The following ABLIM2 variants were observed in gnomAD, a reference collection of about 807,000 sequenced individuals.
ABLIM2 encodes actin-binding LIM protein 2.
ABLIM2 carries 53 observed loss-of-function variants against 97.7 expected under a neutral mutation model. That is an observed-to-expected ratio of 0.54 (90% confidence interval 0.44 to 0.68). The LOEUF (loss-of-function observed/expected upper bound fraction) is 0.68, where lower values mean the gene tolerates loss of function less well. Among genes scored for constraint, ABLIM2 ranks in the 30% least tolerant of loss-of-function variants. The probability of loss-of-function intolerance (pLI) is 0.00; values close to 1 mark genes in which losing one functional copy is unlikely to be tolerated. For synonymous variants in ABLIM2, 361 were observed against 345.8 expected, an observed-to-expected ratio of 1.04 and a Z score of -0.49; for missense variants, 835 against 867.2, an observed-to-expected ratio of 0.96 and a Z score of 0.47.
rs117711829 is a variant in ABLIM2 at position 8,091,108 on chromosome 4, C to A, written c.339-2824G>T. The stretch of plus-strand genomic sequence containing the variant: ...TTCACAACGGCACTGGAGGGACACT[C>A]CTCTGGCTTCACATCCTCACCAGCA... On this transcript the variant is annotated intron_variant, in intron 3 of 20. Transcript: ENST00000447017. 6.0e-4 allele frequency among the ~76,000 whole-genome samples: 90 copies of A among 150,214 alleles called. 1 individual carries two copies. In the East Asian group the frequency reaches 0.016, roughly 28 times the overall value.
At position 8,085,721 on chromosome 4, in the gene ABLIM2, C is replaced by A. The variant is rs186115218; in HGVS notation, c.454+2448G>T. On this transcript the variant is annotated intron_variant, in intron 4 of 20. Coordinates refer to ENST00000447017, the MANE Select transcript of ABLIM2 (RefSeq NM_001130083.2). The surrounding 1 kb of genome is among the most constrained non-coding windows in gnomAD (Gnocchi z 6.1). The stretch of plus-strand genomic sequence containing the variant: ...CACGCTGCAGCCCCGTCCACTCACG[C>A]GGGTCTGGGGGGTGCACCCAGCACA... Among the ~76,000 whole-genome samples, 4 of 151,900 alleles carry A rather than the reference C, an allele frequency of 2.6e-5. No individual in the cohort carries two copies. Among genetic ancestry groups the A allele is most frequent in the African/African-American group, 9.7e-5 (4 of 41,318 alleles).
At position 7,986,510 on chromosome 4, in the gene ABLIM2, TA is replaced by T. The variant is rs1441265389; in HGVS notation, c.1681-1618del. On this transcript the variant is annotated intron_variant, in intron 17 of 20. Coordinates refer to ENST00000447017, the MANE Select transcript of ABLIM2 (RefSeq NM_001130083.2). The surrounding 1 kb of genome is among the most constrained non-coding windows in gnomAD (Gnocchi z 4.3). Reference sequence around the variant, plus strand: ...TTGTTTATCGTGAAATTTTTTACATTAATTTGGATTTCTAAAACTATTGCAT... The same window carrying T: ...TTGTTTATCGTGAAATTTTTTACATTATTTGGATTTCTAAAACTATTGCAT... 6.6e-6 allele frequency among the ~76,000 whole-genome samples: 1 copy of T among 152,182 alleles called. No homozygotes were observed. Among genetic ancestry groups the T allele is most frequent in the Non-Finnish European group, 1.5e-5 (1 of 68,030 alleles).
rs887437133 is a variant in ABLIM2, at chr4:7,992,376, C to G, written c.1680+490G>C. Among the ~76,000 whole-genome samples the G allele has an allele frequency of 2.6e-5, 4 of 152,158 alleles. No individual in the cohort carries two copies. The highest frequency in any genetic ancestry group is 9.7e-5 in the African/African-American group (4 of 41,436). ...TCAAGTTAATCCAATCTCCGTGCAG[C>G]CTCAAGTAACAGCCTTGGACGCTAA... On this transcript the variant is annotated intron_variant, in intron 17 of 20. Coordinates refer to ENST00000447017, the MANE Select transcript of ABLIM2 (RefSeq NM_001130083.2). This position sits in a 1 kb window ranked among gnomAD's most constrained non-coding sequence, Gnocchi z 5.7.
At chr4:8,098,801 G>A (rs570004273) in intron 2 of ABLIM2, among the ~76,000 whole-genome samples, 7 of 152,314 alleles carry the variant, frequency 4.6e-5, no homozygotes, top group Admixed American at 1.3e-4. Flanking sequence ...GAGCCAGTGC[G>A]ATGTGAGACC....
At chr4:8,129,833 C>A (rs1454931516) in intron 1 of ABLIM2, among the ~76,000 whole-genome samples, 4 of 152,176 alleles carry the variant, frequency 2.6e-5, no homozygotes, top group African/African-American at 9.7e-5. Context: ...CCACCCCCTC[C>A]CCGCCATTGT....
intron 16 of ABLIM2, among the ~76,000 whole-genome samples, chr4:8,000,059 G>A (rs375958812): frequency 2.6e-5 from 4 of 152,146 alleles, no homozygotes; most frequent in African/African-American, 7.2e-5. Flanking sequence ...GTTCCCATCC[G>A]CTCCTGGGTG....
chr4:8,020,844 T>TC (rs1773150062), intron 12 of ABLIM2: 1 of 140,430 alleles, frequency 7.1e-6, no homozygotes, highest in African/African-American at 2.7e-5. Context: ...CATTACCACA[T>TC]TCTTTTTTTT....
chr4:8,130,605 G>A lies in ABLIM2; in HGVS notation c.11-23968C>T, dbSNP rs1019023065. On this transcript the variant is annotated intron_variant, in intron 1 of 20. Transcript: ENST00000447017. This position sits in a 1 kb window ranked among gnomAD's most constrained non-coding sequence, Gnocchi z 4.2. The stretch of plus-strand genomic sequence containing the variant: ...GGGAGGCAGCCTGGCCCGAGTCCAG[G>A]GTGTGCTTGACGGCACCCAGGGGAG... 6.6e-6 allele frequency among the ~76,000 whole-genome samples: 1 copy of A among 152,050 alleles called. No individual in the cohort carries two copies. Among genetic ancestry groups the A allele is most frequent in the East Asian group, 1.9e-4 (1 of 5,176 alleles).
intron 9 of ABLIM2, among the ~76,000 whole-genome samples, chr4:8,040,191 C>G (rs1470484014): frequency 1.3e-4 from 20 of 152,192 alleles, no homozygotes; most frequent in Admixed American, 1.2e-3. Flanking sequence ...GGGTGGGCAG[C>G]TGCAACCTGC....
intron 18 of ABLIM2, 127 bp downstream of exon 18, chr4:7,984,712 T>C (rs1577930094): frequency 9.9e-7 from 1 of 1,012,564 alleles, no homozygotes; most frequent in African/African-American, 1.6e-5. Flanking sequence ...TCCCCCGAGG[T>C]GTCCCCGCCC....
chr4:8,006,117 G>A (rs556817283), intron 16 of ABLIM2, among the ~76,000 whole-genome samples: 49 of 152,340 alleles, frequency 3.2e-4, no homozygotes, highest in African/African-American at 7.5e-4. Flanking sequence ...CACCAGGCTC[G>A]TGTTCTCCTG....
rs76063274 is a variant in ABLIM2 at position 7,984,580 on chromosome 4, T to G, written c.1735+259A>C. ...CTCTGCTTTCCCAAGTGACACAGAG[T>G]GCCATACAATGCAGGACAGGGCCGC... On this transcript the variant is annotated intron_variant, in intron 18 of 20. Coordinates refer to ENST00000447017, the MANE Select transcript of ABLIM2 (RefSeq NM_001130083.2). Among the ~76,000 whole-genome samples, 25 of 152,202 alleles carry G rather than the reference T, an allele frequency of 1.6e-4. No homozygotes were observed. The East Asian group carries it at 4.1e-3, about 25-fold the overall frequency.
chr4:8,036,372 C>A lies in ABLIM2; in HGVS notation c.901-77G>T, dbSNP rs182604925. On this transcript the variant is annotated intron_variant, in intron 9 of 20. Transcript: ENST00000447017. ...AGGGCAGCACCCCCAAAGCCGGATG[C>A]ATCCCACAGGACAGTGCCCCCAAAG... 349 of 1,538,792 alleles carry A rather than the reference C, an allele frequency of 2.3e-4. 2 individuals are homozygous for A. The African/African-American group carries it at 4.3e-3, about 19-fold the overall frequency.
intron 14 of ABLIM2, among the ~76,000 whole-genome samples, chr4:8,016,527 C>T (rs1024502095): frequency 7.2e-5 from 11 of 152,266 alleles, no homozygotes; most frequent in South Asian, 2.1e-4. Flanking sequence ...GGAAGCTCCC[C>T]ACGATGTAGC....
chr4:8,006,974 T>G (rs1761849062), intron 16 of ABLIM2: 1 of 969,112 alleles, frequency 1.0e-6, no homozygotes, highest in South Asian at 4.8e-5. Context: ...GGCAGAGGCC[T>G]GAGGGGTGCA....
At chr4:8,158,476 C>G (rs1432061287) in intron 1 of ABLIM2, among the ~76,000 whole-genome samples, 3 of 152,180 alleles carry the variant, frequency 2.0e-5, no homozygotes, top group Non-Finnish European at 4.4e-5. Flanking sequence ...CCCCGGCCCG[C>G]GCCACTGAGC....
rs549927448 is a variant in ABLIM2 at position 7,970,060 on chromosome 4, C to T, written c.1825-2957G>A. Among the ~76,000 whole-genome samples the T allele has an allele frequency of 9.9e-5, 15 of 152,256 alleles. 1 individual carries two copies. Among genetic ancestry groups the T allele is most frequent in the South Asian group, 2.1e-4 (1 of 4,828 alleles). ...CTGAATTATGGTGGAACAATCAAGA[C>T]GGATGAGATCAAAGGAAAGAAAAAG... On this transcript the variant is annotated intron_variant, in intron 20 of 20. Coordinates refer to ENST00000447017, the MANE Select transcript of ABLIM2 (RefSeq NM_001130083.2). The surrounding 1 kb of genome is among the most constrained non-coding windows in gnomAD (Gnocchi z 5.3).
At position 8,128,724 on chromosome 4, in the gene ABLIM2, C is replaced by A. The variant is rs1848884734; in HGVS notation, c.11-22087G>T. Among the ~76,000 whole-genome samples the A allele has an allele frequency of 6.6e-6, 1 of 152,152 alleles. No individual in the cohort carries two copies. Among genetic ancestry groups the A allele is most frequent in the African/African-American group, 2.4e-5 (1 of 41,428 alleles). ...GCTGATATCCTAAACCCCAGTGTGA[C>A]AGGATTTGGAGGCGGGACCTTTGGG... On this transcript the variant is annotated intron_variant, in intron 1 of 20. Coordinates refer to ENST00000447017, the MANE Select transcript of ABLIM2 (RefSeq NM_001130083.2). This position sits in a 1 kb window ranked among gnomAD's most constrained non-coding sequence, Gnocchi z 4.9.
chr4:8,117,755 T>C (rs1478634929), intron 1 of ABLIM2, among the ~76,000 whole-genome samples: 1 of 152,028 alleles, frequency 6.6e-6, no homozygotes, highest in East Asian at 1.9e-4. Context: ...CCTGGGCATG[T>C]TTCCAGAAGC....
Sources: gnomAD v4.1 joint callset for allele counts (sites outside exome capture counted in the v4.1 genomes callset) on GRCh38, gnomAD v4.1.1 for gene constraint, Gnocchi (gnomAD v3.1) non-coding constraint, MANE v1.5 for transcripts, NCBI Gene and HGNC (gene_info 2026-07-23, HGNC 2026-07-21) for gene names.